LCK: variants seen among roughly 807,000 people sequenced by gnomAD.
The protein encoded by LCK is tyrosine-protein kinase Lck.
In LCK, 14 loss-of-function variants were observed where a neutral mutation model predicts 64.6. The observed-to-expected ratio is 0.22, with a 90% CI of 0.14 to 0.34. LCK has a LOEUF of 0.34. Among genes scored for constraint, LCK ranks in the 10% least tolerant of loss-of-function variants. LCK has a pLI of 1.00. For missense variants in LCK, 434 were observed against 668.1 expected (o/e 0.65, Z 3.86); for synonymous variants, 277 against 263.6 (o/e 1.05, Z -0.49).
At chr1:32,263,064 G>A (rs1639819890) in intron 1 of LCK, among the ~76,000 whole-genome samples, 1 of 152,042 alleles carries the variant, frequency 6.6e-6, no homozygotes, top group Admixed American at 6.6e-5. Context: ...ACTTAAGGCT[G>A]CCCGTGGTCC....
At chr1:32,273,036 G>A (rs897951732) in intron 1 of LCK, among the ~76,000 whole-genome samples, 5 of 149,018 alleles carry the variant, frequency 3.4e-5, no homozygotes, top group African/African-American at 1.2e-4. Flanking sequence ...GTGTGTGGAC[G>A]AGTGTGTGTG....
intron 1 of LCK, among the ~76,000 whole-genome samples, chr1:32,266,602 T>G (rs1207088939): frequency 7.2e-6 from 1 of 138,612 alleles, no homozygotes; most frequent in African/African-American, 2.9e-5. Flanking sequence ...CTCCTCCTCC[T>G]CCGCCACCAC....
At chr1:32,263,977 G>A (rs934462396) in intron 1 of LCK, among the ~76,000 whole-genome samples, 2 of 151,842 alleles carry the variant, frequency 1.3e-5, no homozygotes, top group African/African-American at 4.8e-5. Context: ...ATAAACAGAT[G>A]TATGCCTATA....
chr1:32,251,922 G>C lies in LCK; in HGVS notation c.-6+551G>C, dbSNP rs974982068. Among the ~76,000 whole-genome samples the C allele has an allele frequency of 1.6e-4, 25 of 151,730 alleles. No homozygotes were observed. The highest frequency in any genetic ancestry group is 9.9e-4 in the Admixed American group (15 of 15,206). On this transcript the variant is annotated intron_variant, in intron 1 of 12. Coordinates refer to ENST00000336890, the MANE Select transcript of LCK (RefSeq NM_005356.5). The surrounding 1 kb of genome is among the most constrained non-coding windows in gnomAD (Gnocchi z 4.0). ...AGAGAGAGAGAGAGAGAGAGAGAGA[G>C]AGAGAGAGAGAGAGACAGAGATCAC...
At position 32,276,139 on chromosome 1, in the gene LCK, A is replaced by G. The variant is rs1640262278; in HGVS notation, c.631+76A>G. 2 of 1,547,794 alleles carry G rather than the reference A, an allele frequency of 1.3e-6. No homozygotes were observed. Among genetic ancestry groups the G allele is most frequent in the Admixed American group, 1.7e-5 (1 of 58,878 alleles). On this transcript the variant is annotated intron_variant, in intron 7 of 12. Transcript: ENST00000336890. The surrounding 1 kb of genome is among the most constrained non-coding windows in gnomAD (Gnocchi z 4.6). ...AGTCCCCCTCAGGTGTCCCCCATCC[A>G]TCTTTCAATGCCCTACTCCATTCCC...
intron 9 of LCK, among the ~76,000 whole-genome samples, chr1:32,277,905 G>A (rs1640330990): frequency 1.3e-5 from 2 of 152,214 alleles, no homozygotes; most frequent in Admixed American, 6.5e-5. Flanking sequence ...TCCAGGTGCT[G>A]TGGCTCAAGC....
At chr1:32,284,172 C>T (rs749015606) in intron 12 of LCK, among the ~76,000 whole-genome samples, 72 of 151,258 alleles carry the variant, frequency 4.8e-4, no homozygotes, top group Non-Finnish European at 9.7e-4. Flanking sequence ...CGTGAGCCAC[C>T]GCAGATGGCC....
In LCK at chr1:32,280,110, A is replaced by G; in HGVS notation, c.1227A>G (p.Pro409=). The change falls in exon 12 of 13, where the codon CCA becomes CCG. Residue 409 remains proline (P), a synonymous_variant. Coordinates refer to ENST00000336890, the MANE Select transcript of LCK (RefSeq NM_005356.5). ...AGTTTCCCATTAAGTGGACAGCGCC[A>G]GAAGCCATTAACTACGGGACATTCA... ...GAKFPIKWTA[P]EAINYGTFTI... The G allele has an allele frequency of 1.9e-6, 3 of 1,614,178 alleles. No homozygotes were observed. Among genetic ancestry groups the G allele is most frequent in the Non-Finnish European group, 2.5e-6 (3 of 1,180,032 alleles).
chr1:32,275,304 C>T lies in LCK; in HGVS notation c.279-17C>T. On this transcript the variant is annotated splice_polypyrimidine_tract_variant and intron_variant, in intron 4 of 12. Transcript: ENST00000336890. The surrounding 1 kb of genome is among the most constrained non-coding windows in gnomAD (Gnocchi z 6.9). ...CGACGGCTGAGCGAGCCACACTGAC[C>T]CACCTCCGTGGCGCAGGAGCGGCGA... is the stretch of plus-strand genomic sequence containing the variant. The T allele has an allele frequency of 6.2e-7, 1 of 1,613,474 alleles. No homozygotes were observed. Among genetic ancestry groups the T allele is most frequent in the Non-Finnish European group, 8.5e-7 (1 of 1,179,416 alleles).
chr1:32,284,926 A>G (rs1331127401), intron 12 of LCK, among the ~76,000 whole-genome samples: 2 of 152,098 alleles, frequency 1.3e-5, no homozygotes, highest in Admixed American at 6.6e-5. Flanking sequence ...CAAATTTGCA[A>G]TGTGCTATGA....
chr1:32,270,393 C>G (rs1351881567), intron 1 of LCK, among the ~76,000 whole-genome samples: 4 of 151,626 alleles, frequency 2.6e-5, no homozygotes, highest in Admixed American at 2.0e-4. Flanking sequence ...CATGAGCCAC[C>G]GTGCCCAGCC....
chr1:32,268,480 T>G (rs1405829446), intron 1 of LCK, among the ~76,000 whole-genome samples: 1 of 151,388 alleles, frequency 6.6e-6, no homozygotes, highest in Non-Finnish European at 1.5e-5. Context: ...GCCCAGCTAG[T>G]TTTTATAATA....
chr1:32,257,520 G>A (rs1253914536), intron 1 of LCK, among the ~76,000 whole-genome samples: 1 of 152,102 alleles, frequency 6.6e-6, no homozygotes, highest in East Asian at 1.9e-4. Flanking sequence ...CTCCCAAAGT[G>A]CTGGGATTAT....
intron 1 of LCK, among the ~76,000 whole-genome samples, chr1:32,273,085 G>A (rs773572382): frequency 2.0e-4 from 28 of 142,118 alleles, no homozygotes; most frequent in Non-Finnish European, 6.1e-5. Flanking sequence ...GGGGGAGTAT[G>A]TATAGGGTGT....
chr1:32,285,568 G>A lies in LCK; in HGVS notation c.1382G>A (p.Arg461His), dbSNP rs763148386. The change falls in exon 13 of 13, where the codon CGC becomes CAC. Residue 461 changes from arginine to histidine, a missense_variant. Transcript: ENST00000336890. ...QNLERGYRMVRPDNCPEELYQ... is the reference protein window; with the variant it reads ...QNLERGYRMVHPDNCPEELYQ... Reference sequence around the variant, plus strand: ...CTGGAGCGAGGCTACCGCATGGTGCGCCCTGACAACTGTCCAGAGGAGCTG... The same window carrying A: ...CTGGAGCGAGGCTACCGCATGGTGCACCCTGACAACTGTCCAGAGGAGCTG... 16 of 1,614,098 alleles carry A rather than the reference G, an allele frequency of 9.9e-6. No homozygotes were observed. The highest frequency in any genetic ancestry group is 1.3e-5 in the African/African-American group (1 of 74,934).
chr1:32,254,716 T>C (rs1639587843), intron 1 of LCK, among the ~76,000 whole-genome samples: 2 of 151,922 alleles, frequency 1.3e-5, no homozygotes, highest in Non-Finnish European at 2.9e-5. Flanking sequence ...TTCTCCATGT[T>C]GGTCAGGCTG....
rs748088071 is a variant in LCK, at chr1:32,276,635, G to T, written c.813G>T (p.Ala271=). 3.1e-6 allele frequency: 5 copies of T among 1,613,320 alleles called. No individual in the cohort carries two copies. Among genetic ancestry groups the T allele is most frequent in the East Asian group, 2.2e-5 (1 of 44,858 alleles). The change falls in exon 9 of 13, where the codon GCG becomes GCT. Residue 271 remains alanine (A), a synonymous_variant. Transcript: ENST00000336890. This position sits in a 1 kb window ranked among gnomAD's most constrained non-coding sequence, Gnocchi z 4.6. ...MGYYNGHTKV[A]VKSLKQGSMS... ...ACTACAACGGGCACACGAAGGTGGC[G>T]GTGAAGAGCCTGAAGCAGGGCAGCA... is the stretch of plus-strand genomic sequence containing the variant.
intron 9 of LCK, among the ~76,000 whole-genome samples, chr1:32,278,983 C>T (rs1036090791): frequency 1.3e-5 from 2 of 152,184 alleles, no homozygotes; most frequent in Non-Finnish European, 2.9e-5. Flanking sequence ...CCCAGACCCC[C>T]TCTTTCTTAT....
chr1:32,273,570 G>A (rs529151058), intron 1 of LCK, among the ~76,000 whole-genome samples: 32 of 152,136 alleles, frequency 2.1e-4, no homozygotes, highest in Non-Finnish European at 4.1e-4. Flanking sequence ...AGGGACTCCG[G>A]GGGCTTCAAA....
Sources: allele counts gnomAD v4.1 joint callset (sites outside exome capture counted in the v4.1 genomes callset), GRCh38; gene constraint gnomAD v4.1.1; non-coding constraint Gnocchi (gnomAD v3.1); transcripts MANE v1.5; gene names NCBI Gene and HGNC (gene_info 2026-07-23, HGNC 2026-07-21).